Variants in ALMS1 observed in about 807,000 individuals in gnomAD.
ALMS1 encodes ALMS1 centrosome and basal body associated protein.
ALMS1 carries 271 observed loss-of-function variants against 352.2 expected under a neutral mutation model. The ratio of observed to expected loss-of-function variants is 0.77; its 90% CI spans 0.70 to 0.85. ALMS1 has a LOEUF of 0.85. Among genes scored for constraint, ALMS1 ranks in the 40% least tolerant of loss-of-function variants. The pLI, the probability that ALMS1 is intolerant of heterozygous loss-of-function variation, is 0.00. For missense variants in ALMS1, 5,445 were observed against 4,870.7 expected, an observed-to-expected ratio of 1.12 and a Z score of -3.51; for synonymous variants, 1,865 against 1,761.2, an observed-to-expected ratio of 1.06 and a Z score of -1.48.
chr2:73,419,099 T>G, intron 2 of ALMS1, 24 bp from the exon 3 acceptor site: 1 of 1,587,774 alleles, frequency 6.3e-7, no homozygotes, highest in South Asian at 1.1e-5. Flanking sequence ...TGACTTAGCA[T>G]GTTTTCCTTT....
rs794727925 is a variant in ALMS1 at position 73,453,487 on chromosome 2, G to A, written c.6960G>A (p.Gln2320=). 1 of 1,613,472 alleles carries A rather than the reference G, an allele frequency of 6.2e-7. No homozygotes were observed. The highest frequency in any genetic ancestry group is 1.3e-5 in the African/African-American group (1 of 74,894). Residue 2320 remains glutamine (Q), a synonymous_variant, in exon 8 of 23, where the codon CAG becomes CAA. Transcript: ENST00000613296. ...GVSNGDLLHR[Q]PFTEESPSSR... ...CTAATGGTGATTTGCTTCACAGACAGCCATTCACAGAGGAAAGCCCAAGCA... is the reference window on the plus strand; with the variant it reads ...CTAATGGTGATTTGCTTCACAGACAACCATTCACAGAGGAAAGCCCAAGCA...
At chr2:73,579,436 C>G (rs1028564022) in intron 16 of ALMS1, among the ~76,000 whole-genome samples, 3 of 151,982 alleles carry the variant, frequency 2.0e-5, no homozygotes, top group African/African-American at 4.8e-5. Context: ...TCTTGGCTCA[C>G]TGCAACCTCC....
chr2:73,389,669 T>A (rs7563864), intron 1 of ALMS1, among the ~76,000 whole-genome samples: 5,431 of 152,204 alleles, frequency 0.036, 316 homozygotes, highest in African/African-American at 0.12. Context: ...GAAAATTATT[T>A]TCCTGTTTAA....
chr2:73,460,072 C>G (rs190228204), intron 9 of ALMS1, among the ~76,000 whole-genome samples: 39 of 152,136 alleles, frequency 2.6e-4, no homozygotes, highest in African/African-American at 9.4e-4. Flanking sequence ...ATTTGTAACT[C>G]ACTTCCCTGA....
rs746544731 is a variant in ALMS1 at position 73,451,447 on chromosome 2, GGTT to G, written c.4923_4925del (p.Val1642del). ...TGCTAGACAGTCCTCTAAATAAAGA[GGTT>G]GTGAAAGTTTCAGCTGCTCCTGGAC... On this transcript the variant is annotated inframe_deletion, in exon 8 of 23. Transcript: ENST00000613296. 2.5e-6 allele frequency: 4 copies of G among 1,613,930 alleles called. No individual in the cohort carries two copies. The Admixed American group carries it at 5.0e-5, about 20-fold the overall frequency.
Position 73,451,869 on chromosome 2 carries a change from A to G in ALMS1, c.5342A>G (p.Glu1781Gly). 1.2e-6 allele frequency: 2 copies of G among 1,613,722 alleles called. No individual in the cohort carries two copies. The highest frequency in any genetic ancestry group is 1.7e-6 in the Non-Finnish European group (2 of 1,179,750). Residue 1781 changes from glutamate (E) to glycine (G), a missense_variant, in exon 8 of 23, where the codon GAG becomes GGG. By Grantham distance (98) the Glu-to-Gly change is moderately conservative. Transcript: ENST00000613296. Reference sequence around the variant, plus strand: ...TTGCCAGATAGTCATCTAACTGAAGAGGCTCTGAAAGTTTCAAATGTTCCT... The same window carrying G: ...TTGCCAGATAGTCATCTAACTGAAGGGGCTCTGAAAGTTTCAAATGTTCCT... ...QELPDSHLTE[E>G]ALKVSNVPGP...
rs6546839 is a variant in ALMS1 at position 73,453,381 on chromosome 2, G to A, written c.6854G>A (p.Arg2285His). The A allele has an allele frequency of 6.2e-6, 10 of 1,613,474 alleles. No individual in the cohort carries two copies. Among genetic ancestry groups the A allele is most frequent in the Admixed American group, 3.3e-5 (2 of 59,908 alleles). ...TGCAATTTTCCTGCTCCCCTTGCCC[G>A]TTTCAGAGATATTAGTGATATTTCA... is the stretch of plus-strand genomic sequence containing the variant. ...KRCNFPAPLA[R>H]FRDISDISFI... Residue 2285 changes from arginine (R) to histidine (H), a missense_variant, in exon 8 of 23, where the codon CGT becomes CAT. By Grantham distance (29) the Arg-to-His change is conservative. Transcript: ENST00000613296.
At position 73,443,992 on chromosome 2, in the gene ALMS1, G is replaced by A. The variant is rs186178285; in HGVS notation, c.1433-3968G>A. ...TTTTTTGGTGGGTATTGGGGTTTAT[G>A]TTCCCTGCCTCTAAACCTAATTGAT... On this transcript the variant is annotated intron_variant, in intron 7 of 22. Coordinates refer to ENST00000613296, the MANE Select transcript of ALMS1 (RefSeq NM_001378454.1). Among the ~76,000 whole-genome samples, 14 of 152,136 alleles carry A rather than the reference G, an allele frequency of 9.2e-5. No homozygotes were observed. The East Asian group carries it at 2.5e-3, about 27-fold the overall frequency.
At position 73,453,840 on chromosome 2, in the gene ALMS1, C is replaced by A. The variant is rs1558651680; in HGVS notation, c.7313C>A (p.Ser2438Ter). ...WDSNLPESLESVSDVLLNFFP... is the reference protein window; with the variant it reads ...WDSNLPESLE The stretch of plus-strand genomic sequence containing the variant: ...AGTAATTTACCAGAGTCTTTGGAAT[C>A]AGTTTCTGATGTTCTTCTAAACTTC... The change falls in exon 8 of 23, where the codon TCA (serine) becomes TAA (stop). Residue 2438 changes from serine to a stop codon, truncating the protein, a stop_gained. Transcript: ENST00000613296. LOFTEE classifies it high-confidence loss of function. 1 of 1,614,062 alleles carries A rather than the reference C, an allele frequency of 6.2e-7. No individual in the cohort carries two copies. Among genetic ancestry groups the A allele is most frequent in the Non-Finnish European group, 8.5e-7 (1 of 1,179,998 alleles).
At chr2:73,464,358 CAAT>C (rs1207945245) in intron 9 of ALMS1, among the ~76,000 whole-genome samples, 3 of 152,200 alleles carry the variant, frequency 2.0e-5, no homozygotes, top group African/African-American at 7.2e-5. Flanking sequence ...ATGATTATCT[CAAT>C]AGATGCAGAA....
intron 10 of ALMS1, among the ~76,000 whole-genome samples, chr2:73,492,394 A>G (rs777113830): frequency 2.6e-5 from 4 of 152,220 alleles, no homozygotes; most frequent in African/African-American, 9.6e-5. Context: ...GCAGGTGATG[A>G]TATCTCTATT....
chr2:73,495,766 G>A (rs915579583), intron 10 of ALMS1, among the ~76,000 whole-genome samples: 3 of 152,050 alleles, frequency 2.0e-5, no homozygotes, highest in African/African-American at 7.3e-5. Context: ...TCTGACTCTA[G>A]TACAGATCCA....
At chr2:73,541,609 A>T (rs567379047) in intron 12 of ALMS1, among the ~76,000 whole-genome samples, 21 of 152,344 alleles carry the variant, frequency 1.4e-4, no homozygotes, top group Non-Finnish European at 1.5e-5. Context: ...AACAAAATTG[A>T]TAGACTGCTG....
intron 1 of ALMS1, 67 bp from the exon 2 acceptor site, chr2:73,408,555 T>C: frequency 6.5e-7 from 1 of 1,536,132 alleles, no homozygotes; most frequent in South Asian, 1.2e-5. Context: ...TAAATATTAG[T>C]TTATTTTTGT....
At chr2:73,486,390 C>T (rs1467719910) in intron 9 of ALMS1, among the ~76,000 whole-genome samples, 5 of 152,144 alleles carry the variant, frequency 3.3e-5, no homozygotes, top group African/African-American at 7.2e-5. Flanking sequence ...CTCACTTGGC[C>T]TTTGCTGGTG....
chr2:73,594,365 A>T (rs1675501659), intron 16 of ALMS1, among the ~76,000 whole-genome samples: 1 of 152,238 alleles, frequency 6.6e-6, no homozygotes. Flanking sequence ...TACTAAATGA[A>T]AAAGAATTTG....
chr2:73,603,191 C>G, intron 20 of ALMS1, 50 bp from the exon 21 acceptor site: 1 of 1,581,996 alleles, frequency 6.3e-7, no homozygotes, highest in African/African-American at 1.4e-5. Flanking sequence ...TGCACCACAC[C>G]CTCTGGGTTA....
rs757729889 is a variant in ALMS1, at chr2:73,451,955, G to A, written c.5428G>A (p.Glu1810Lys). The A allele has an allele frequency of 1.9e-6, 3 of 1,613,792 alleles. No homozygotes were observed. The South Asian group carries it at 3.3e-5, about 18-fold the overall frequency. ...AACCTCTACTTCCTACTCACACAGA[G>A]AGAAGCCCATTGTTTCCTACCAGCG... Reference protein sequence around the residue: ...TVTSTSYSHREKPIVSYQREL... With the variant: ...TVTSTSYSHRKKPIVSYQREL... Residue 1810 changes from glutamate to lysine, a missense_variant, in exon 8 of 23, where the codon GAG (glutamate) becomes AAG (lysine). Physicochemically the swap from Glu to Lys is moderately conservative, Grantham distance 56. Transcript: ENST00000613296.
At chr2:73,470,400 A>G (rs919262332) in intron 9 of ALMS1, 3 of 151,572 alleles carry the variant, frequency 2.0e-5, no homozygotes, top group Admixed American at 6.6e-5. Flanking sequence ...GTCTTTTTTA[A>G]AATTTTCCTT....
Sources: gnomAD v4.1 joint callset for allele counts (sites outside exome capture counted in the v4.1 genomes callset) on GRCh38, gnomAD v4.1.1 for gene constraint, MANE v1.5 for transcripts, NCBI Gene and HGNC (gene_info 2026-07-23, HGNC 2026-07-21) for gene names.